CSPG5: variants seen among roughly 807,000 people sequenced by gnomAD.
The protein encoded by CSPG5 is acidic leucine-rich EGF-like domain-containing brain protein.
Under a neutral mutation model 39.8 loss-of-function variants are expected in CSPG5, and 25 were observed. The ratio of observed to expected loss-of-function variants is 0.63; its 90% CI spans 0.46 to 0.88. The LOEUF (loss-of-function observed/expected upper bound fraction) is 0.88. Among genes scored for constraint, CSPG5 ranks in the 40% least tolerant of loss-of-function variants. The pLI, the probability that CSPG5 is intolerant of heterozygous loss-of-function variation, is 0.00. For synonymous variants in CSPG5, 295 were observed against 303.9 expected (o/e 0.97, Z 0.31); for missense variants, 627 against 702.2 (o/e 0.89, Z 1.21).
chr3:47,578,168 C>A lies in CSPG5; in HGVS notation c.98-240G>T, dbSNP rs2031847237. 1.1e-5 allele frequency: 6 copies of A among 565,204 alleles called. No individual in the cohort carries two copies. Among genetic ancestry groups the A allele is most frequent in the Non-Finnish European group, 1.3e-5 (5 of 379,884 alleles). The allele number at this position is 565,204 out of a possible 1,614,324, so 35.0% of individuals were successfully genotyped here. On this transcript the variant is annotated intron_variant, in intron 1 of 4. Transcript: ENST00000264723. This position sits in a 1 kb window ranked among gnomAD's most constrained non-coding sequence, Gnocchi z 6.0. ...CGCCTCGCGGCTCGGCCCCGCCCGA[C>A]CTGCCCCGCCGTCTGAAGAGCCAGG... is the stretch of plus-strand genomic sequence containing the variant.
At chr3:47,567,779 C>A (rs958584979) in intron 4 of CSPG5, among the ~76,000 whole-genome samples, 4 of 152,118 alleles carry the variant, frequency 2.6e-5, no homozygotes, top group Non-Finnish European at 4.4e-5. Context: ...TGGGAGGCTG[C>A]GGCAGGAAGA....
At chr3:47,574,116 G>A (rs2031621510) in intron 2 of CSPG5, among the ~76,000 whole-genome samples, 1 of 152,212 alleles carries the variant, frequency 6.6e-6, no homozygotes, top group Non-Finnish European at 1.5e-5. Flanking sequence ...TGGGATGGAA[G>A]CTAAGCAAGG....
At chr3:47,568,203 T>C (rs1156567947) in intron 4 of CSPG5, among the ~76,000 whole-genome samples, 1 of 152,244 alleles carries the variant, frequency 6.6e-6, no homozygotes, top group Non-Finnish European at 1.5e-5. Flanking sequence ...TGTGTAATAA[T>C]CTGTGTAAAA....
intron 2 of CSPG5, among the ~76,000 whole-genome samples, chr3:47,574,373 A>T (rs1205010745): frequency 6.6e-6 from 1 of 152,176 alleles, no homozygotes; most frequent in Non-Finnish European, 1.5e-5. Flanking sequence ...AGGATGAAAG[A>T]TGATGATTTT....
In CSPG5 at chr3:47,577,477, T is replaced by A. The variant is rs746645888; in HGVS notation, c.549A>T (p.Thr183=). Residue 183 remains threonine, a synonymous_variant, in exon 2 of 5, where the codon ACA becomes ACT. Coordinates refer to ENST00000264723, the MANE Select transcript of CSPG5 (RefSeq NM_006574.4). This position sits in a 1 kb window ranked among gnomAD's most constrained non-coding sequence, Gnocchi z 4.7. ...TCAGCTCTGGCCCTTGAGGGTCGGG[T>A]GTGCTGCCCCCCAGGTTCAGCCAAA... ...LEVWLNLGGS[T]PDPQGPELTY... 6.2e-7 allele frequency: 1 copy of A among 1,613,716 alleles called. No individual in the cohort carries two copies. The highest frequency in any genetic ancestry group is 1.1e-5 in the South Asian group (1 of 91,072).
Position 47,577,372 on chromosome 3 carries a change from A to G in CSPG5, c.654T>C (p.Gly218=). 1.2e-6 allele frequency: 2 copies of G among 1,614,108 alleles called. No individual in the cohort carries two copies. Among genetic ancestry groups the G allele is most frequent in the Non-Finnish European group, 1.7e-6 (2 of 1,179,986 alleles). ...TCCCCAGATCTGCGCCACGACCCTC[A>G]CCATCCAGTCCTTCGAAGTAGTCGA... ...IDIDYFEGLD[G]EGRGADLGSF... is the part of the protein sequence containing the mutation. Residue 218 remains glycine (G), a synonymous_variant, in exon 2 of 5, where the codon GGT becomes GGC. Transcript: ENST00000264723. The surrounding 1 kb of genome is among the most constrained non-coding windows in gnomAD (Gnocchi z 4.7).
At position 47,572,874 on chromosome 3, in the gene CSPG5, C is replaced by T; in HGVS notation, c.1194G>A (p.Arg398=). The change falls in exon 3 of 5, where the codon AGG becomes AGA. Residue 398 remains arginine, a splice_region_variant and synonymous_variant. Coordinates refer to ENST00000264723, the MANE Select transcript of CSPG5 (RefSeq NM_006574.4). The surrounding 1 kb of genome is among the most constrained non-coding windows in gnomAD (Gnocchi z 4.5). The stretch of plus-strand genomic sequence containing the variant: ...GCCAGATGTAGTCCTGCGTGTTGCA[C>T]CTGCAGCAGCGACATTGAGAAACCG... ...YLVENIGAFC[R]CNTQDYIWHK... 1 of 1,602,594 alleles carries T rather than the reference C, an allele frequency of 6.2e-7. No homozygotes were observed. Among genetic ancestry groups the T allele is most frequent in the Non-Finnish European group, 8.5e-7 (1 of 1,171,770 alleles).
At position 47,577,779 on chromosome 3, in the gene CSPG5, C is replaced by T. The variant is rs745716723; in HGVS notation, c.247G>A (p.Ala83Thr). Residue 83 changes from alanine to threonine, a missense_variant, in exon 2 of 5, where the codon GCC (alanine) becomes ACC (threonine). Transcript: ENST00000264723. This position sits in a 1 kb window ranked among gnomAD's most constrained non-coding sequence, Gnocchi z 4.7. ...ASWTAPGGELAGPEEVLQESA... is the reference protein window; with the variant it reads ...ASWTAPGGELTGPEEVLQESA... ...TCCTGCAGCACCTCTTCTGGCCCGG[C>T]CAGCTCGCCACCGGGCGCCGTCCAC... is the stretch of plus-strand genomic sequence containing the variant. 1.3e-6 allele frequency: 2 copies of T among 1,586,510 alleles called. No homozygotes were observed. Among genetic ancestry groups the T allele is most frequent in the Non-Finnish European group, 1.7e-6 (2 of 1,174,100 alleles).
At chr3:47,569,536 G>A (rs200084371) in intron 3 of CSPG5, among the ~76,000 whole-genome samples, 73 of 151,914 alleles carry the variant, frequency 4.8e-4, no homozygotes, top group Non-Finnish European at 8.8e-5. Flanking sequence ...CCCAGGAGGC[G>A]GAGGTTGCAG....
At chr3:47,565,201 G>A (rs1429093812) in intron 4 of CSPG5, among the ~76,000 whole-genome samples, 2 of 152,078 alleles carry the variant, frequency 1.3e-5, no homozygotes, top group Non-Finnish European at 2.9e-5. Context: ...GAGCCCTCGA[G>A]GGCTCATGGG....
intron 4 of CSPG5, among the ~76,000 whole-genome samples, chr3:47,567,065 A>C (rs1042755665): frequency 6.6e-6 from 1 of 152,224 alleles, no homozygotes; most frequent in African/African-American, 2.4e-5. Context: ...CTGTGTAGCC[A>C]AGCCCTCCAA....
At position 47,572,784 on chromosome 3, in the gene CSPG5, C is replaced by T. The variant is rs147868528; in HGVS notation, c.1284G>A (p.Ser428=). The change falls in exon 3 of 5, where the codon TCG becomes TCA. Residue 428 remains serine (S), a synonymous_variant. Transcript: ENST00000264723. The surrounding 1 kb of genome is among the most constrained non-coding windows in gnomAD (Gnocchi z 4.5). The stretch of plus-strand genomic sequence containing the variant: ...AGAGCAGGAGCAGGACGAGGGCAGC[C>T]GAGCCCACGGCCACGCACATCACCT... ...DFQVMCVAVG[S]AALVLLLLFM... 8.6e-5 allele frequency: 139 copies of T among 1,614,150 alleles called. No homozygotes were observed. In the African/African-American group the frequency reaches 1.5e-3, roughly 17 times the overall value.
intron 4 of CSPG5, among the ~76,000 whole-genome samples, chr3:47,563,665 C>T (rs559633010): frequency 2.0e-5 from 3 of 152,178 alleles, no homozygotes; most frequent in South Asian, 2.1e-4. Context: ...AAGGGATTCT[C>T]GTGCCTCAGT....
chr3:47,571,157 T>C (rs963397702), intron 3 of CSPG5, among the ~76,000 whole-genome samples: 1 of 151,156 alleles, frequency 6.6e-6, no homozygotes, highest in Non-Finnish European at 1.5e-5. Context: ...GATGTTAATA[T>C]GTGGGGAAAA....
chr3:47,562,780 T>TGGG lies in CSPG5; in HGVS notation c.1459-22_1459-20dup. The TGGG allele has an allele frequency of 8.6e-7, 1 of 1,156,432 alleles. No homozygotes were observed. Among genetic ancestry groups the TGGG allele is most frequent in the Admixed American group, 2.1e-5 (1 of 47,148 alleles). The allele number at this position is 1,156,432 out of a possible 1,614,324, so 71.6% of individuals were successfully genotyped here. A position where few individuals can be genotyped will look rare whatever the true frequency, so the allele number is the denominator to read the frequency against. On this transcript the variant is annotated intron_variant, in intron 4 of 4. Coordinates refer to ENST00000264723, the MANE Select transcript of CSPG5 (RefSeq NM_006574.4). Reference sequence around the variant, plus strand: ...GATCATCCTGGAAGAGGGAAAAAGTTGGGGGGGGGGAGACAATGCATACAG... The same window carrying TGGG: ...GATCATCCTGGAAGAGGGAAAAAGTTGGGGGGGGGGGGGAGACAATGCATACAG...
At chr3:47,567,779 C>T (rs958584979) in intron 4 of CSPG5, among the ~76,000 whole-genome samples, 3 of 152,116 alleles carry the variant, frequency 2.0e-5, no homozygotes, top group Non-Finnish European at 4.4e-5. Context: ...TGGGAGGCTG[C>T]GGCAGGAAGA....
At chr3:47,565,995 C>A (rs533463760) in intron 4 of CSPG5, among the ~76,000 whole-genome samples, 2 of 152,196 alleles carry the variant, frequency 1.3e-5, no homozygotes, top group East Asian at 3.9e-4. Flanking sequence ...GCTACAGAGC[C>A]GCACATCAGC....
In CSPG5 at chr3:47,562,670, G is replaced by C; in HGVS notation, c.1550C>G (p.Pro517Arg). The change falls in exon 5 of 5, where the codon CCC becomes CGC. Residue 517 changes from proline (P) to arginine (R), a missense_variant. Transcript: ENST00000264723. ...GTCACCTTTGCCACCCTCAAGTTTGGGCGACATGGAGTTCTGGATGTTAAA... is the reference window on the plus strand; with the variant it reads ...GTCACCTTTGCCACCCTCAAGTTTGCGCGACATGGAGTTCTGGATGTTAAA... Reference protein sequence around the residue: ...ESFNIQNSMSPKLEGGKGDQA... With the variant: ...ESFNIQNSMSRKLEGGKGDQA... The C allele has an allele frequency of 6.2e-7, 1 of 1,613,902 alleles. No homozygotes were observed. Among genetic ancestry groups the C allele is most frequent in the Non-Finnish European group, 8.5e-7 (1 of 1,179,996 alleles).
Position 47,577,535 on chromosome 3 carries a change from G to A in CSPG5, c.491C>T (p.Ala164Val). 6.2e-7 allele frequency: 1 copy of A among 1,611,236 alleles called. No individual in the cohort carries two copies. ...GGGGCTCTCCTTGGGGAGTTCAGAA[G>A]CTGGGCTCAGCTTGTCGCCGGGGGT... ...SPTPGDKLSP[A>V]SELPKESPLE... is the part of the protein sequence containing the mutation. Residue 164 changes from alanine (A) to valine (V), a missense_variant, in exon 2 of 5, where the codon GCT (alanine) becomes GTT (valine). By Grantham distance (64) the Ala-to-Val change is moderately conservative. Coordinates refer to ENST00000264723, the MANE Select transcript of CSPG5 (RefSeq NM_006574.4). This position sits in a 1 kb window ranked among gnomAD's most constrained non-coding sequence, Gnocchi z 4.7.
Sources: allele counts gnomAD v4.1 joint callset (sites outside exome capture counted in the v4.1 genomes callset), GRCh38; gene constraint gnomAD v4.1.1; non-coding constraint Gnocchi (gnomAD v3.1); transcripts MANE v1.5; gene names NCBI Gene and HGNC (gene_info 2026-07-23, HGNC 2026-07-21).